Variants in THSD4 observed in about 807,000 individuals in gnomAD.
The protein encoded by THSD4 is thrombospondin type 1 domain containing 4.
Under a neutral mutation model 119.0 loss-of-function variants are expected in THSD4, and 69 were observed. That is an observed-to-expected ratio of 0.58 (90% CI 0.48 to 0.71). THSD4 has a LOEUF of 0.71. Ranked by LOEUF, THSD4 falls within the 30% of genes least tolerant of loss-of-function variation. THSD4 has a pLI of 0.00. For missense variants in THSD4, 1,393 were observed against 1,391.1 expected, an observed-to-expected ratio of 1.00 and a Z score of -0.02; for synonymous variants, 524 against 540.4, an observed-to-expected ratio of 0.97 and a Z score of 0.42.
intron 6 of THSD4, among the ~76,000 whole-genome samples, chr15:71,386,825 C>T (rs2046299259): frequency 6.6e-6 from 1 of 152,124 alleles, no homozygotes; most frequent in Non-Finnish European, 1.5e-5. Context: ...AGAGGGTTAG[C>T]TTTTTAAATG....
intron 6 of THSD4, among the ~76,000 whole-genome samples, chr15:71,312,092 G>A (rs1038998118): frequency 6.6e-6 from 1 of 152,198 alleles, no homozygotes; most frequent in Non-Finnish European, 1.5e-5. Flanking sequence ...CCTGCCCTCT[G>A]TTCTGGACTG....
intron 3 of THSD4, among the ~76,000 whole-genome samples, chr15:71,182,283 C>T (rs1567148705): frequency 6.6e-6 from 1 of 151,728 alleles, no homozygotes; most frequent in Non-Finnish European, 1.5e-5. Context: ...GGACGTTTGT[C>T]ATTCCATTTA....
At chr15:71,132,509 CAAG>C (rs889746030) in intron 1 of THSD4, among the ~76,000 whole-genome samples, 25 of 152,164 alleles carry the variant, frequency 1.6e-4, no homozygotes, top group Non-Finnish European at 2.6e-4. Flanking sequence ...AAAAAATAAA[CAAG>C]AACATCAAAA....
chr15:71,623,947 A>G (rs938577172), intron 7 of THSD4, among the ~76,000 whole-genome samples: 2 of 147,836 alleles, frequency 1.4e-5, no homozygotes, highest in Non-Finnish European at 3.0e-5. Context: ...AAAAAAATCT[A>G]ATCAGATAAT....
chr15:71,365,183 CAGAAA>C (rs1453067483), intron 6 of THSD4, among the ~76,000 whole-genome samples: 5 of 95,372 alleles, frequency 5.2e-5, no homozygotes, highest in East Asian at 2.6e-4. Flanking sequence ...GAGAGAAAGA[CAGAAA>C]AGAAGAGAGA....
chr15:71,674,716 A>G (rs887189468), intron 8 of THSD4, among the ~76,000 whole-genome samples: 1 of 152,040 alleles, frequency 6.6e-6, no homozygotes, highest in Non-Finnish European at 1.5e-5. Context: ...CGCTCCCCAT[A>G]CATTTGGCAA....
rs150286045 is a variant in THSD4 at position 71,227,460 on chromosome 15, G to A, written c.464+12061G>A. Among the ~76,000 whole-genome samples, 83 of 152,298 alleles carry A rather than the reference G, an allele frequency of 5.4e-4. 1 individual carries two copies. The East Asian group carries it at 0.014, about 26-fold the overall frequency. The stretch of plus-strand genomic sequence containing the variant: ...GCCTGCGATGCCTTCATATGAGGAT[G>A]GGAGGAAGGAATTTCCCGCATGTGG... On this transcript the variant is annotated intron_variant, in intron 4 of 17. Coordinates refer to ENST00000261862, the MANE Select transcript of THSD4 (RefSeq NM_024817.3).
chr15:71,678,384 C>G (rs1293102912), intron 8 of THSD4, among the ~76,000 whole-genome samples: 1 of 152,194 alleles, frequency 6.6e-6, no homozygotes, highest in Non-Finnish European at 1.5e-5. Flanking sequence ...CTTTGCTTCT[C>G]CATGGTTACT....
At chr15:71,104,096 T>C (rs547643436) in intron 1 of THSD4, among the ~76,000 whole-genome samples, 56 of 152,334 alleles carry the variant, frequency 3.7e-4, no homozygotes, top group African/African-American at 1.3e-3. Context: ...TCCTTACTTA[T>C]TCCATCTTTT....
At chr15:71,748,968 C>T (rs1175523550) in intron 14 of THSD4, among the ~76,000 whole-genome samples, 2 of 152,230 alleles carry the variant, frequency 1.3e-5, no homozygotes, top group Non-Finnish European at 2.9e-5. Context: ...TCCCACACCC[C>T]GTTCCCTCCC....
At chr15:71,755,086 G>C (rs2053515453) in intron 14 of THSD4, among the ~76,000 whole-genome samples, 1 of 152,180 alleles carries the variant, frequency 6.6e-6, no homozygotes. Flanking sequence ...CCTTCTCATG[G>C]GAAATTTATG....
chr15:71,158,148 CT>C lies in THSD4; in HGVS notation c.99+3239del, dbSNP rs1193131967. Among the ~76,000 whole-genome samples the C allele has an allele frequency of 7.4e-3, 628 of 85,010 alleles. 1 individual carries two copies. The highest frequency in any genetic ancestry group is 0.025 in the African/African-American group (542 of 21,668). 55.8% of individuals were successfully genotyped at this position (85,010 alleles called of 152,430 possible). On this transcript the variant is annotated intron_variant, in intron 3 of 17. Coordinates refer to ENST00000261862, the MANE Select transcript of THSD4 (RefSeq NM_024817.3). ...CTTCCACATCCTTACCAACACTTATCTTTTTTTTTTTTTTTTTTTTTTTGAG... is the reference window on the plus strand; with the variant it reads ...CTTCCACATCCTTACCAACACTTATCTTTTTTTTTTTTTTTTTTTTTTGAG...
intron 2 of THSD4, among the ~76,000 whole-genome samples, chr15:71,152,250 C>A (rs1466855162): frequency 6.6e-6 from 1 of 151,884 alleles, no homozygotes; most frequent in Non-Finnish European, 1.5e-5. Context: ...TGGTGAAACC[C>A]CATCTCCACT....
chr15:71,570,765 T>C (rs2049335298), intron 7 of THSD4, among the ~76,000 whole-genome samples: 1 of 152,188 alleles, frequency 6.6e-6, no homozygotes, highest in Admixed American at 6.5e-5. Context: ...GGGCGAGTCC[T>C]TCTTCTCCCT....
At chr15:71,723,372 G>T (rs184065744) in intron 8 of THSD4, among the ~76,000 whole-genome samples, 171 of 152,246 alleles carry the variant, frequency 1.1e-3, no homozygotes, top group Non-Finnish European at 1.5e-3. Flanking sequence ...ATCCCATTGT[G>T]GCTTTGATTT....
At chr15:71,735,778 C>A (rs1031332845) in intron 10 of THSD4, among the ~76,000 whole-genome samples, 7 of 151,278 alleles carry the variant, frequency 4.6e-5, no homozygotes, top group African/African-American at 1.7e-4. Flanking sequence ...TCTTCTCTGT[C>A]TCTGTCTCTC....
intron 6 of THSD4, among the ~76,000 whole-genome samples, chr15:71,395,908 A>AAG (rs200140156): frequency 0.086 from 11,295 of 131,412 alleles, 523 homozygotes; most frequent in South Asian, 0.16. Context: ...CAGTGTTTTG[A>AAG]AGAGAGACAC....
chr15:71,492,632 G>A (rs1398305909), intron 7 of THSD4, among the ~76,000 whole-genome samples: 1 of 152,090 alleles, frequency 6.6e-6, no homozygotes, highest in African/African-American at 2.4e-5. Flanking sequence ...CTGAGGACCT[G>A]GCTTCACCAA....
rs2053137494 is a variant in THSD4, at chr15:71,737,562, G to A, written c.1631-170G>A. Among the ~76,000 whole-genome samples, 5 of 152,208 alleles carry A rather than the reference G, an allele frequency of 3.3e-5. No individual in the cohort carries two copies. The South Asian group carries it at 1.0e-3, about 32-fold the overall frequency. Reference sequence around the variant, plus strand: ...ATTGATTTTCAAAAGTGCTTTGCATGTGAGGGAAAGCACTAGTAGGTGTCT... The same window carrying A: ...ATTGATTTTCAAAAGTGCTTTGCATATGAGGGAAAGCACTAGTAGGTGTCT... On this transcript the variant is annotated intron_variant, in intron 10 of 17. Transcript: ENST00000261862.
Sources: allele counts gnomAD v4.1 joint callset (sites outside exome capture counted in the v4.1 genomes callset), GRCh38; gene constraint gnomAD v4.1.1; transcripts MANE v1.5; gene names NCBI Gene and HGNC (gene_info 2026-07-23, HGNC 2026-07-21).